MED13: variants seen among roughly 807,000 people sequenced by gnomAD.
MED13 encodes the protein mediator complex subunit 13.
Under a neutral mutation model 225.2 loss-of-function variants are expected in MED13, and 23 were observed. The ratio of observed to expected loss-of-function variants is 0.10; its 90% CI spans 0.07 to 0.14. The LOEUF (loss-of-function observed/expected upper bound fraction) is 0.14, where lower values mean the gene tolerates loss of function less well. MED13 is among the 10% of genes least tolerant of loss of function. The pLI, the probability that MED13 is intolerant of heterozygous loss-of-function variation, is 1.00. For synonymous variants in MED13, 942 were observed against 889.2 expected (o/e 1.06, Z -1.06); for missense variants, 2,197 against 2,594.5 (o/e 0.85, Z 3.33).
At chr17:61,951,658 T>C (rs912471965) in intron 27 of MED13, among the ~76,000 whole-genome samples, 3 of 152,206 alleles carry the variant, frequency 2.0e-5, no homozygotes, top group African/African-American at 4.8e-5. Context: ...ATTATACTTA[T>C]TGAAAATTGC....
At chr17:61,986,266 T>TAC (rs1305122656) in intron 12 of MED13, among the ~76,000 whole-genome samples, 1 of 152,102 alleles carries the variant, frequency 6.6e-6, no homozygotes, top group Non-Finnish European at 1.5e-5. Context: ...CACACACATA[T>TAC]ACACACATAT....
chr17:62,039,587 ATTTTTTT>A (rs57066822), intron 3 of MED13, among the ~76,000 whole-genome samples: 1 of 109,364 alleles, frequency 9.1e-6, no homozygotes, highest in Non-Finnish European at 1.9e-5. Flanking sequence ...CCCAGCCAAG[ATTTTTTT>A]TTTTTTTTTT....
intron 3 of MED13, chr17:62,036,720 G>C (rs977109108): frequency 2.0e-5 from 3 of 152,130 alleles, no homozygotes; most frequent in African/African-American, 7.2e-5. Context: ...GCAATACAGA[G>C]CTAAGAATTT....
At chr17:61,990,824 G>C (rs972678332) in intron 11 of MED13, among the ~76,000 whole-genome samples, 9 of 152,026 alleles carry the variant, frequency 5.9e-5, no homozygotes, top group Admixed American at 1.3e-4. Context: ...GTGGAGTCTT[G>C]ACCACTGTGT....
Position 61,957,344 on chromosome 17 carries a change from A to G in MED13, c.5481-863T>C, listed in dbSNP as rs113538435. On this transcript the variant is annotated intron_variant, in intron 23 of 29. Transcript: ENST00000397786. ...AGACATGAGCCACTGCGCCTGGCCC[A>G]GTAAACTTTTTATTTTTTTTTTTGA... 4.3e-4 allele frequency among the ~76,000 whole-genome samples: 65 copies of G among 149,892 alleles called. 2 individuals carry two copies. The highest frequency in any genetic ancestry group is 1.5e-3 in the African/African-American group (60 of 40,402).
intron 8 of MED13, among the ~76,000 whole-genome samples, chr17:62,020,614 C>G (rs1348974985): frequency 1.3e-5 from 2 of 150,574 alleles, no homozygotes; most frequent in East Asian, 3.9e-4. Context: ...CTTTTGACCT[C>G]GTGATCCTCC....
At chr17:61,993,481 C>T (rs1344302056) in intron 10 of MED13, among the ~76,000 whole-genome samples, 3 of 151,154 alleles carry the variant, frequency 2.0e-5, no homozygotes, top group Non-Finnish European at 2.9e-5. Flanking sequence ...GGATTACAGG[C>T]GTGAGACACA....
chr17:61,997,192 CA>C (rs1221003072), intron 9 of MED13, among the ~76,000 whole-genome samples: 1 of 152,172 alleles, frequency 6.6e-6, no homozygotes, highest in African/African-American at 2.4e-5. Flanking sequence ...TGATCTCTTA[CA>C]AACTCGGGGC....
intron 28 of MED13, among the ~76,000 whole-genome samples, chr17:61,948,824 C>T (rs1299014710): frequency 1.3e-5 from 2 of 151,388 alleles, no homozygotes; most frequent in South Asian, 2.1e-4. Flanking sequence ...CGGTGGCTCA[C>T]GCCTGTAATC....
intron 16 of MED13, among the ~76,000 whole-genome samples, chr17:61,974,539 A>G (rs944263299): frequency 7.9e-6 from 1 of 127,086 alleles, no homozygotes; most frequent in African/African-American, 3.7e-5. Context: ...CAAACCTGGC[A>G]CATGTACCCA....
At chr17:62,023,485 G>A (rs2080669593) in intron 8 of MED13, among the ~76,000 whole-genome samples, 1 of 152,216 alleles carries the variant, frequency 6.6e-6, no homozygotes, top group Non-Finnish European at 1.5e-5. Flanking sequence ...GGGACCATGA[G>A]GAAGGGGCTG....
chr17:61,947,214 G>A (rs79451373), intron 28 of MED13, among the ~76,000 whole-genome samples, 197 bp from the exon 29 acceptor site: 6 of 136,524 alleles, frequency 4.4e-5, no homozygotes, highest in African/African-American at 1.7e-4. Context: ...TTTTTTTTAA[G>A]TAGGGGCAGG....
At chr17:62,036,415 A>T (rs1351985642) in intron 3 of MED13, among the ~76,000 whole-genome samples, 3 of 152,216 alleles carry the variant, frequency 2.0e-5, no homozygotes, top group African/African-American at 2.4e-5. Flanking sequence ...CAAGGACATC[A>T]GAGGTATCTT....
chr17:61,990,650 T>TATATATATATATACAC (rs1491124278), intron 11 of MED13, among the ~76,000 whole-genome samples: 20 of 141,130 alleles, frequency 1.4e-4, no homozygotes, highest in African/African-American at 4.8e-4. Flanking sequence ...TATATATATA[T>TATATATATATATACAC]ACACACTCCC....
intron 3 of MED13, among the ~76,000 whole-genome samples, chr17:62,048,941 AAAAG>A (rs1184574520): frequency 6.6e-6 from 1 of 152,144 alleles, no homozygotes; most frequent in East Asian, 1.9e-4. Flanking sequence ...ATAAGGATAG[AAAAG>A]AAAGAAACTT....
rs1567946968 is a variant in MED13, at chr17:61,965,118, T to C, written c.4732A>G (p.Thr1578Ala). The change falls in exon 20 of 30, where the codon ACA becomes GCA. Residue 1578 changes from threonine to alanine, a missense_variant. By Grantham distance (58) the Thr-to-Ala change is moderately conservative. This residue lies in a region of MED13 where 457 missense variants were observed against 442.2 expected (regional missense o/e 1.03). Transcript: ENST00000397786. The stretch of plus-strand genomic sequence containing the variant: ...CCTCCTAGCTGACCACTCTGAACTG[T>C]ATTTGCTTGTGTAGACATGGATCCT... ...AAGSMSTQANTVQSGQLGGQQ... is the reference protein window; with the variant it reads ...AAGSMSTQANAVQSGQLGGQQ... 2 of 1,614,182 alleles carry C rather than the reference T, an allele frequency of 1.2e-6. No homozygotes were observed. Among genetic ancestry groups the C allele is most frequent in the Non-Finnish European group, 1.7e-6 (2 of 1,180,026 alleles).
intron 28 of MED13, among the ~76,000 whole-genome samples, chr17:61,947,364 G>C (rs746877734): frequency 2.0e-5 from 3 of 151,876 alleles, no homozygotes; most frequent in Non-Finnish European, 2.9e-5. Flanking sequence ...AACTTACTTT[G>C]AATCTATTTC....
chr17:61,953,049 G>A lies in MED13; in HGVS notation c.6033C>T (p.Ile2011=), dbSNP rs145247799. 9.1e-3 allele frequency: 14,614 copies of A among 1,613,654 alleles called. 104 individuals are homozygous for A. Among genetic ancestry groups the A allele is most frequent in the Non-Finnish European group, 0.011 (12,662 of 1,179,582 alleles). The change falls in exon 27 of 30, where the codon ATC becomes ATT. Residue 2011 remains isoleucine (I), a synonymous_variant. Coordinates refer to ENST00000397786, the MANE Select transcript of MED13 (RefSeq NM_005121.3). Reference sequence around the variant, plus strand: ...TTGGAGAAGCAGGAAGGATATTAATGATATCAGGGTCAAGATCATCTCCTG... The same window carrying A: ...TTGGAGAAGCAGGAAGGATATTAATAATATCAGGGTCAAGATCATCTCCTG... ...LDTGDDLDPD[I]INILPASPTG... is the part of the protein sequence containing the mutation.
intron 9 of MED13, among the ~76,000 whole-genome samples, chr17:62,003,326 C>T (rs576420577): frequency 6.6e-6 from 1 of 152,172 alleles, no homozygotes; most frequent in African/African-American, 2.4e-5. Context: ...CAAATTGTGG[C>T]CAGGTGCAGT....
Sources: gnomAD v4.1 joint callset for allele counts (sites outside exome capture counted in the v4.1 genomes callset) on GRCh38, gnomAD v4.1.1 for gene constraint, gnomAD v4.1.1 regional missense constraint, MANE v1.5 for transcripts, NCBI Gene and HGNC (gene_info 2026-07-23, HGNC 2026-07-21) for gene names.